Variants in GLTP observed in about 807,000 individuals in gnomAD.
GLTP encodes the protein glycolipid transfer protein.
GLTP carries 22 observed loss-of-function variants against 24.0 expected under a neutral mutation model. The ratio of observed to expected loss-of-function variants is 0.92; its 90% confidence interval spans 0.65 to 1.31. GLTP has a LOEUF of 1.31. Ranked by LOEUF, GLTP falls within the 50% of genes most tolerant of loss-of-function variation. The pLI is 0.00. For missense variants in GLTP, 224 were observed against 276.6 expected, an observed-to-expected ratio of 0.81 and a Z score of 1.35; for synonymous variants, 92 against 115.9, an observed-to-expected ratio of 0.79 and a Z score of 1.33.
intron 1 of GLTP, among the ~76,000 whole-genome samples, chr12:109,869,010 C>T (rs1362265969): frequency 6.6e-6 from 1 of 152,078 alleles, no homozygotes; most frequent in African/African-American, 2.4e-5. Context: ...TTAAAAACTT[C>T]ACCCCCGGGC....
At chr12:109,876,761 G>A (rs1868898169) in intron 1 of GLTP, among the ~76,000 whole-genome samples, 1 of 152,090 alleles carries the variant, frequency 6.6e-6, no homozygotes, top group Admixed American at 6.6e-5. Context: ...AGAAAAAGCA[G>A]GTTATACTTA....
At chr12:109,877,024 C>G (rs1424626830) in intron 1 of GLTP, among the ~76,000 whole-genome samples, 1 of 152,126 alleles carries the variant, frequency 6.6e-6, no homozygotes, top group African/African-American at 2.4e-5. Flanking sequence ...AGCTAATTTT[C>G]TGTACTTTTG....
rs1892783367 is a variant in GLTP, at chr12:109,855,529, A to G, written c.447+90T>C. ...AGCCCGAGGGGGTAAACACAGCCTC[A>G]CAGGCCAGGAGGCCTCGGCTAAGCA... On this transcript the variant is annotated intron_variant, in intron 4 of 4. Coordinates refer to ENST00000318348, the MANE Select transcript of GLTP (RefSeq NM_016433.4). The surrounding 1 kb of genome is among the most constrained non-coding windows in gnomAD (Gnocchi z 4.1). 1 of 1,197,696 alleles carries G rather than the reference A, an allele frequency of 8.3e-7. No homozygotes were observed. The highest frequency in any genetic ancestry group is 1.6e-5 in the South Asian group (1 of 60,844). 74.2% of individuals were successfully genotyped at this position (1,197,696 alleles called of 1,614,324 possible). A position where few individuals can be genotyped will look rare whatever the true frequency, so the allele number is the denominator to read the frequency against.
chr12:109,880,478 G>A lies in GLTP; in HGVS notation c.-104C>T, dbSNP rs1291997236. 20 of 298,434 alleles carry A rather than the reference G, an allele frequency of 6.7e-5. No homozygotes were observed. Among genetic ancestry groups the A allele is most frequent in the Non-Finnish European group, 1.1e-4 (19 of 177,742 alleles). The allele number at this position is 298,434 out of a possible 1,614,324, so 18.5% of individuals were successfully genotyped here. A position where few individuals can be genotyped will look rare whatever the true frequency, so the allele number is the denominator to read the frequency against. On this transcript the variant is annotated 5_prime_UTR_variant, in exon 1 of 5. Transcript: ENST00000318348. This position sits in a 1 kb window ranked among gnomAD's most constrained non-coding sequence, Gnocchi z 5.1. ...GCCGGGGCCGTCACAGCCGCCCGCC[G>A]CAGGCTCCGGGGACGCCAGCGTCGC...
intron 3 of GLTP, among the ~76,000 whole-genome samples, chr12:109,856,700 G>T (rs1382400974): frequency 6.6e-6 from 1 of 152,206 alleles, no homozygotes; most frequent in Non-Finnish European, 1.5e-5. Context: ...GGGCTGAAGA[G>T]TCTGTAGCTG....
chr12:109,867,544 T>C (rs572080375), intron 1 of GLTP, among the ~76,000 whole-genome samples: 2 of 152,304 alleles, frequency 1.3e-5, no homozygotes, highest in South Asian at 4.1e-4. Flanking sequence ...ATGCATGGCC[T>C]CTGGGACAAT....
rs1892817388 is a variant in GLTP at position 109,857,668 on chromosome 12, G to A, written c.163-9C>T. The stretch of plus-strand genomic sequence containing the variant: ...TACACAGCTTTGATTTTCTGAAATG[G>A]AGCACACAAGATTTCCCCTTGGGTA... On this transcript the variant is annotated splice_polypyrimidine_tract_variant and intron_variant, in intron 2 of 4. Coordinates refer to ENST00000318348, the MANE Select transcript of GLTP (RefSeq NM_016433.4). The surrounding 1 kb of genome is among the most constrained non-coding windows in gnomAD (Gnocchi z 4.3). 1 of 1,614,052 alleles carries A rather than the reference G, an allele frequency of 6.2e-7. No homozygotes were observed. Among genetic ancestry groups the A allele is most frequent in the Non-Finnish European group, 8.5e-7 (1 of 1,179,962 alleles).
chr12:109,873,633 CAAAAAAAAAAAA>C (rs774803716), intron 1 of GLTP, among the ~76,000 whole-genome samples: 2 of 53,652 alleles, frequency 3.7e-5, no homozygotes, highest in Admixed American at 4.1e-4. Flanking sequence ...GACTCTGTCT[CAAAAAAAAAAAA>C]AAAAAAAAAA....
In GLTP at chr12:109,857,582, C is replaced by A; in HGVS notation, c.240G>T (p.Met80Ile). ...LQNILEVEKE[M>I]YGAEWPKVGA... The stretch of plus-strand genomic sequence containing the variant: ...CTACTTTGGGCCACTCTGCTCCATA[C>A]ATTTCTTTCTCCACCTCCAGGATGT... The change falls in exon 3 of 5, where the codon ATG becomes ATT. Residue 80 changes from methionine to isoleucine, a missense_variant. Transcript: ENST00000318348. The surrounding 1 kb of genome is among the most constrained non-coding windows in gnomAD (Gnocchi z 4.3). 6.2e-7 allele frequency: 1 copy of A among 1,614,156 alleles called. No homozygotes were observed.
intron 1 of GLTP, among the ~76,000 whole-genome samples, chr12:109,873,656 A>AAAAAAT: frequency 6.7e-6 from 1 of 148,570 alleles, no homozygotes. Context: ...AAAAAAAAAA[A>AAAAAAT]GCAAGAGTTG....
At position 109,880,200 on chromosome 12, in the gene GLTP, G is replaced by A; in HGVS notation, c.103+72C>T. On this transcript the variant is annotated intron_variant, in intron 1 of 4. Coordinates refer to ENST00000318348, the MANE Select transcript of GLTP (RefSeq NM_016433.4). The surrounding 1 kb of genome is among the most constrained non-coding windows in gnomAD (Gnocchi z 5.1). Reference sequence around the variant, plus strand: ...GGTGTCTAGGGCAGAGATGGTTAGGGGATGCTCGGGGGAAGGAGGATTCGG... The same window carrying A: ...GGTGTCTAGGGCAGAGATGGTTAGGAGATGCTCGGGGGAAGGAGGATTCGG... 1.1e-6 allele frequency: 1 copy of A among 871,760 alleles called. No homozygotes were observed. The highest frequency in any genetic ancestry group is 1.8e-6 in the Non-Finnish European group (1 of 541,320). The allele number at this position is 871,760 out of a possible 1,614,324, so 54.0% of individuals were successfully genotyped here.
At chr12:109,867,725 C>T (rs1868573807) in intron 1 of GLTP, among the ~76,000 whole-genome samples, 1 of 151,916 alleles carries the variant, frequency 6.6e-6, no homozygotes, top group East Asian at 1.9e-4. Flanking sequence ...ATTGTATCAC[C>T]AAGGATGGGG....
chr12:109,858,735 A>C lies in GLTP; in HGVS notation c.110T>G (p.Leu37Arg), dbSNP rs1292006850. 3.7e-6 allele frequency: 6 copies of C among 1,609,064 alleles called. No individual in the cohort carries two copies. The highest frequency in any genetic ancestry group is 5.1e-6 in the Non-Finnish European group (6 of 1,175,538). ...VSHLPPFFDC[L>R]GSPVFTPIKA... is the part of the protein sequence containing the mutation. ...GATGGGAGTAAACACTGGGGACCCA[A>C]GGCAATCTGGGGACAAAATGAGAAG... The change falls in exon 2 of 5, where the codon CTT becomes CGT. Residue 37 changes from leucine to arginine, a missense_variant. Transcript: ENST00000318348.
In GLTP at chr12:109,852,408, G is replaced by T; in HGVS notation, c.*147C>A. On this transcript the variant is annotated 3_prime_UTR_variant, in exon 5 of 5. Transcript: ENST00000318348. ...AAAAAAAAAGACTTAAAAAACGAGG[G>T]CTGTCCCCTGCAGACTCTGGCAGGA... is the stretch of plus-strand genomic sequence containing the variant. The T allele has an allele frequency of 1.9e-6, 1 of 536,868 alleles. No homozygotes were observed. The allele number at this position is 536,868 out of a possible 1,614,324, so 33.3% of individuals were successfully genotyped here.
Position 109,857,727 on chromosome 12 carries a change from G to A in GLTP, c.163-68C>T, listed in dbSNP as rs904531635. 8 of 1,538,696 alleles carry A rather than the reference G, an allele frequency of 5.2e-6. No individual in the cohort carries two copies. The highest frequency in any genetic ancestry group is 2.7e-5 in the African/African-American group (2 of 73,450). Reference sequence around the variant, plus strand: ...CCATAGACATCTGGCCCGCACGCTGGGTGAAAAGCACCCTACCGGCATCTC... The same window carrying A: ...CCATAGACATCTGGCCCGCACGCTGAGTGAAAAGCACCCTACCGGCATCTC... On this transcript the variant is annotated intron_variant, in intron 2 of 4. Coordinates refer to ENST00000318348, the MANE Select transcript of GLTP (RefSeq NM_016433.4). This position sits in a 1 kb window ranked among gnomAD's most constrained non-coding sequence, Gnocchi z 4.3.
chr12:109,869,251 G>A (rs1299175979), intron 1 of GLTP, among the ~76,000 whole-genome samples: 1 of 125,738 alleles, frequency 8.0e-6, no homozygotes, highest in Non-Finnish European at 1.6e-5. Context: ...AGTGAGCCAA[G>A]ATTGATTGCG....
In GLTP at chr12:109,880,430, C is replaced by G. The variant is rs998813726; in HGVS notation, c.-56G>C. ...GCCGGCGCCGCGGGCGTCGACACCGCCCCCCCGGCCGCCGCCGTCAGCGCC... is the reference window on the plus strand; with the variant it reads ...GCCGGCGCCGCGGGCGTCGACACCGGCCCCCCGGCCGCCGCCGTCAGCGCC... On this transcript the variant is annotated 5_prime_UTR_variant, in exon 1 of 5. Coordinates refer to ENST00000318348, the MANE Select transcript of GLTP (RefSeq NM_016433.4). The surrounding 1 kb of genome is among the most constrained non-coding windows in gnomAD (Gnocchi z 5.1). The G allele has an allele frequency of 2.8e-6, 2 of 727,138 alleles. No homozygotes were observed. The highest frequency in any genetic ancestry group is 8.3e-5 in the East Asian group (2 of 24,164). 45.0% of individuals were successfully genotyped at this position (727,138 alleles called of 1,614,324 possible).
At chr12:109,867,364 G>T (rs1036541509) in intron 1 of GLTP, among the ~76,000 whole-genome samples, 3 of 152,056 alleles carry the variant, frequency 2.0e-5, no homozygotes, top group African/African-American at 7.2e-5. Flanking sequence ...GCCCAGGGTG[G>T]TCTCAAACTC....
chr12:109,860,193 G>T (rs1163535232), intron 1 of GLTP: 2 of 158,074 alleles, frequency 1.3e-5, no homozygotes, highest in African/African-American at 2.4e-5. Flanking sequence ...GGTCAGCCTG[G>T]TCTCAAACTC....
Sources: allele counts gnomAD v4.1 joint callset (sites outside exome capture counted in the v4.1 genomes callset), GRCh38; gene constraint gnomAD v4.1.1; non-coding constraint Gnocchi (gnomAD v3.1); transcripts MANE v1.5; gene names NCBI Gene and HGNC (gene_info 2026-07-23, HGNC 2026-07-21).